Variants in ARMH4 observed in about 807,000 individuals in gnomAD.
ARMH4 encodes armadillo like helical domain containing 4, also known as armadillo-like helical domain-containing protein 4.
In ARMH4, 49 loss-of-function variants were observed where a neutral mutation model predicts 61.9. The ratio of observed to expected loss-of-function variants is 0.79; its 90% CI spans 0.63 to 1.00. ARMH4 has a LOEUF of 1.00. Among genes scored for constraint, ARMH4 ranks in the 50% least tolerant of loss-of-function variants. The pLI is 0.00. For missense variants in ARMH4, 934 were observed against 930.0 expected (o/e 1.00, Z -0.06); for synonymous variants, 368 against 341.5 (o/e 1.08, Z -0.85).
At chr14:58,143,468 G>A (rs141203390) in intron 1 of ARMH4, among the ~76,000 whole-genome samples, 3 of 151,992 alleles carry the variant, frequency 2.0e-5, no homozygotes, top group Non-Finnish European at 4.4e-5. Context: ...TTGTTTATTT[G>A]TATGTTTATT....
At chr14:58,034,395 T>A (rs1883392214) in intron 5 of ARMH4, among the ~76,000 whole-genome samples, 1 of 118,034 alleles carries the variant, frequency 8.5e-6, no homozygotes, top group Admixed American at 8.0e-5. Flanking sequence ...AAAGAGCTCC[T>A]GAAGGAAGCG....
intron 5 of ARMH4, among the ~76,000 whole-genome samples, chr14:58,044,587 A>C (rs1883860311): frequency 6.6e-6 from 1 of 152,258 alleles, no homozygotes; most frequent in African/African-American, 2.4e-5. Context: ...ACCAAAAGCA[A>C]TGACAACAAA....
intron 5 of ARMH4, among the ~76,000 whole-genome samples, chr14:58,066,635 A>G (rs921638844): frequency 6.6e-6 from 1 of 152,260 alleles, no homozygotes; most frequent in African/African-American, 2.4e-5. Context: ...AGGGGGAACC[A>G]TGAAGGCTTT....
Position 58,003,215 on chromosome 14 carries a change from G to A in ARMH4, c.*1521C>T, listed in dbSNP as rs933081120. The A allele has an allele frequency of 6.6e-6, 1 of 152,188 alleles. No homozygotes were observed. Among genetic ancestry groups the A allele is most frequent in the Non-Finnish European group, 1.5e-5 (1 of 68,040 alleles). 9.4% of individuals were successfully genotyped at this position (152,188 alleles called of 1,614,324 possible). On this transcript the variant is annotated 3_prime_UTR_variant, in exon 8 of 8. Coordinates refer to ENST00000267485, the MANE Select transcript of ARMH4 (RefSeq NM_001001872.4). ...TAAAGAAGGACCCTGAAATGTCACT[G>A]CTTCCACCAAAGTCTATGAAAAGGT...
chr14:58,130,900 T>C (rs1296108134), intron 4 of ARMH4, among the ~76,000 whole-genome samples: 1 of 152,204 alleles, frequency 6.6e-6, no homozygotes, highest in Non-Finnish European at 1.5e-5. Flanking sequence ...TCAATCCAGC[T>C]TGAATACTGA....
intron 5 of ARMH4, among the ~76,000 whole-genome samples, chr14:58,025,951 G>A (rs368503428): frequency 6.6e-6 from 1 of 152,006 alleles, no homozygotes; most frequent in Admixed American, 6.6e-5. Flanking sequence ...AGGGTGCAAA[G>A]AGCCCAGGTA....
chr14:58,145,605 C>T (rs1594785217), intron 1 of ARMH4, among the ~76,000 whole-genome samples: 2 of 152,282 alleles, frequency 1.3e-5, no homozygotes, highest in Admixed American at 1.3e-4. Context: ...TCATCTGTAT[C>T]TTGGGTTTTA....
intron 1 of ARMH4, among the ~76,000 whole-genome samples, chr14:58,151,795 A>G (rs1887934124): frequency 6.6e-6 from 1 of 152,210 alleles, no homozygotes. Context: ...GCTGGTGCGG[A>G]GCTGGGAGGC....
intron 5 of ARMH4, among the ~76,000 whole-genome samples, chr14:58,043,576 T>C (rs1883809224): frequency 6.6e-6 from 1 of 152,196 alleles, no homozygotes; most frequent in South Asian, 2.1e-4. Flanking sequence ...ACCACTCCTA[T>C]TCGACATAGT....
chr14:58,040,103 G>T (rs115213987), intron 5 of ARMH4, among the ~76,000 whole-genome samples: 1 of 152,154 alleles, frequency 6.6e-6, no homozygotes, highest in South Asian at 2.1e-4. Context: ...AAGTTTCTAA[G>T]ACCCACCAGA....
chr14:58,042,275 A>G (rs1371934928), intron 5 of ARMH4, among the ~76,000 whole-genome samples: 1 of 152,246 alleles, frequency 6.6e-6, no homozygotes, highest in Non-Finnish European at 1.5e-5. Context: ...CAATCAAACT[A>G]GAACTCAGGA....
rs762095398 is a variant in ARMH4, at chr14:58,096,949, C to A, written c.1864G>T (p.Glu622Ter). 10 of 1,613,512 alleles carry A rather than the reference C, an allele frequency of 6.2e-6. No homozygotes were observed. Among genetic ancestry groups the A allele is most frequent in the African/African-American group, 1.3e-5 (1 of 74,910 alleles). The stretch of plus-strand genomic sequence containing the variant: ...TCTTCCTCTTCTTCATCTTCATCTT[C>A]TTCATCCTCTTCATCCTCATCTTCT... ...GQEDEDEEDE[E>*]DEDEEEEDEE... The change falls in exon 5 of 8, where the codon GAA (glutamate) becomes TAA (stop). Residue 622 changes from glutamate to a stop codon, truncating the protein, a stop_gained. Transcript: ENST00000267485. LOFTEE classifies it high-confidence loss of function.
intron 5 of ARMH4, among the ~76,000 whole-genome samples, chr14:58,014,384 G>C (rs1408299286): frequency 1.3e-5 from 2 of 152,108 alleles, no homozygotes; most frequent in African/African-American, 4.8e-5. Flanking sequence ...TCTAGGAGTG[G>C]TTCCGTGGAG....
intron 5 of ARMH4, among the ~76,000 whole-genome samples, chr14:58,048,204 A>G (rs1189985528): frequency 6.6e-6 from 1 of 152,222 alleles, no homozygotes; most frequent in Non-Finnish European, 1.5e-5. Context: ...AAAAGCTTAT[A>G]ACGGGAAAAA....
chr14:58,146,708 G>C (rs1440998490), intron 1 of ARMH4, among the ~76,000 whole-genome samples: 2 of 152,152 alleles, frequency 1.3e-5, no homozygotes, highest in Non-Finnish European at 1.5e-5. Flanking sequence ...AAAAATACCA[G>C]CCTTGGCCAT....
chr14:58,068,760 A>G (rs2141224445), intron 5 of ARMH4, among the ~76,000 whole-genome samples: 1 of 152,262 alleles, frequency 6.6e-6, no homozygotes, highest in East Asian at 1.9e-4. Flanking sequence ...TAATCCCAAC[A>G]CTTTGAGAGG....
chr14:58,067,624 C>T (rs1470983541), intron 5 of ARMH4, among the ~76,000 whole-genome samples: 1 of 152,134 alleles, frequency 6.6e-6, no homozygotes, highest in African/African-American at 2.4e-5. Flanking sequence ...TGGTGGTGGA[C>T]AGAGCCAGAG....
chr14:58,045,052 G>A (rs1267234925), intron 5 of ARMH4, among the ~76,000 whole-genome samples: 4 of 152,174 alleles, frequency 2.6e-5, no homozygotes, highest in Non-Finnish European at 5.9e-5. Context: ...AAGACAGTAT[G>A]GCGATTCCTC....
At chr14:58,027,029 GT>G (rs1181453943) in intron 5 of ARMH4, among the ~76,000 whole-genome samples, 2 of 152,118 alleles carry the variant, frequency 1.3e-5, no homozygotes, top group Non-Finnish European at 2.9e-5. Flanking sequence ...TACTAGAGTG[GT>G]TTTCAAGGAA....
Sources: gnomAD v4.1 joint callset for allele counts (sites outside exome capture counted in the v4.1 genomes callset) on GRCh38, gnomAD v4.1.1 for gene constraint, MANE v1.5 for transcripts, NCBI Gene and HGNC (gene_info 2026-07-23, HGNC 2026-07-21) for gene names.